The following ROBO2 variants were observed in gnomAD, a reference collection of about 807,000 sequenced individuals.
ROBO2 encodes roundabout guidance receptor 2, also known as roundabout homolog 2.
A neutral mutation model predicts 160.8 loss-of-function variants in ROBO2; 53 were observed. That is an observed-to-expected ratio of 0.33 (90% confidence interval 0.26 to 0.41). ROBO2 has a LOEUF of 0.41. ROBO2 is among the 10% of genes least tolerant of loss of function. The pLI, the probability that ROBO2 is intolerant of heterozygous loss-of-function variation, is 1.00. For synonymous variants in ROBO2, 664 were observed against 611.7 expected, an observed-to-expected ratio of 1.09 and a Z score of -1.26; for missense variants, 1,577 against 1,722.4, an observed-to-expected ratio of 0.92 and a Z score of 1.49.
At chr3:76,192,937 C>T (rs963627345) in intron 2 of ROBO2, among the ~76,000 whole-genome samples, 5 of 152,098 alleles carry the variant, frequency 3.3e-5, no homozygotes, top group Non-Finnish European at 4.4e-5. Context: ...CTCTACCAGA[C>T]TATTGAACTG....
chr3:77,532,054 T>A (rs1260112944), intron 6 of ROBO2, among the ~76,000 whole-genome samples: 1 of 152,176 alleles, frequency 6.6e-6, no homozygotes, highest in Non-Finnish European at 1.5e-5. Flanking sequence ...TTCCATAATG[T>A]GAAACGTTTA....
At chr3:76,916,321 A>G (rs1404242868) in intron 2 of ROBO2, among the ~76,000 whole-genome samples, 2 of 152,110 alleles carry the variant, frequency 1.3e-5, no homozygotes, top group African/African-American at 2.4e-5. Context: ...AGAAAATGCA[A>G]ATAAAAGAGA....
intron 2 of ROBO2, among the ~76,000 whole-genome samples, chr3:77,371,698 T>C (rs2071776465): frequency 6.6e-6 from 1 of 152,190 alleles, no homozygotes; most frequent in Non-Finnish European, 1.5e-5. Flanking sequence ...TATAGCTACA[T>C]AACACTTTAT....
At chr3:75,987,864 TG>T (rs1196325791) in intron 2 of ROBO2, among the ~76,000 whole-genome samples, 2 of 152,060 alleles carry the variant, frequency 1.3e-5, no homozygotes, top group East Asian at 3.9e-4. Context: ...TGTTGGACCA[TG>T]CTTAGATTCC....
At chr3:76,171,067 C>A (rs1225873228) in intron 2 of ROBO2, among the ~76,000 whole-genome samples, 1 of 152,120 alleles carries the variant, frequency 6.6e-6, no homozygotes, top group Non-Finnish European at 1.5e-5. Flanking sequence ...TGGTAAAGAT[C>A]CAAACTTAAT....
intron 2 of ROBO2, among the ~76,000 whole-genome samples, chr3:77,344,277 T>C (rs1290915788): frequency 6.6e-6 from 1 of 152,156 alleles, no homozygotes; most frequent in Non-Finnish European, 1.5e-5. Flanking sequence ...TTTCTTAAAA[T>C]ATATGACATA....
At chr3:76,597,512 A>G (rs1255789927) in intron 2 of ROBO2, among the ~76,000 whole-genome samples, 1 of 152,068 alleles carries the variant, frequency 6.6e-6, no homozygotes, top group Non-Finnish European at 1.5e-5. Flanking sequence ...AAGATATTCA[A>G]CATCTTGTCA....
At chr3:76,296,904 AC>A (rs1462343626) in intron 2 of ROBO2, among the ~76,000 whole-genome samples, 1 of 152,238 alleles carries the variant, frequency 6.6e-6, no homozygotes, top group Non-Finnish European at 1.5e-5. Context: ...TACTAAAGTT[AC>A]ATTAATAGCT....
Position 77,164,540 on chromosome 3 carries a change from G to T in ROBO2, c.388+66200G>T, listed in dbSNP as rs543422745. Among the ~76,000 whole-genome samples, 986 of 134,304 alleles carry T rather than the reference G, an allele frequency of 7.3e-3. 23 individuals carry two copies. Among genetic ancestry groups the T allele is most frequent in the East Asian group, 0.047 (177 of 3,802 alleles). The allele number at this position is 134,304 out of a possible 152,430, so 88.1% of individuals were successfully genotyped here. On this transcript the variant is annotated intron_variant, in intron 2 of 25. Transcript: ENST00000461745. ...GTGCTGTCCGGGAGGGAGGTGGGGGGGTCAGACCCCCGCCCGGCCAGCCGC... is the reference window on the plus strand; with the variant it reads ...GTGCTGTCCGGGAGGGAGGTGGGGGTGTCAGACCCCCGCCCGGCCAGCCGC...
chr3:76,926,917 A>C (rs72900117), intron 2 of ROBO2, among the ~76,000 whole-genome samples: 1 of 151,928 alleles, frequency 6.6e-6, no homozygotes, highest in African/African-American at 2.4e-5. Context: ...AAGCATTCAA[A>C]GCCTAGCAGC....
At chr3:76,304,489 T>G (rs2071223857) in intron 2 of ROBO2, among the ~76,000 whole-genome samples, 1 of 152,226 alleles carries the variant, frequency 6.6e-6, no homozygotes, top group African/African-American at 2.4e-5. Context: ...AAGCTAATGC[T>G]AATGCTAATT....
chr3:76,844,228 G>T (rs867379966), intron 2 of ROBO2, among the ~76,000 whole-genome samples: 1 of 151,856 alleles, frequency 6.6e-6, no homozygotes. Flanking sequence ...TGATGCAACT[G>T]GTACAAATAA....
At chr3:76,474,564 G>A (rs1221008753) in intron 2 of ROBO2, among the ~76,000 whole-genome samples, 4 of 152,182 alleles carry the variant, frequency 2.6e-5, no homozygotes, top group African/African-American at 9.7e-5. Context: ...TATTCAGGAA[G>A]AGGAACACGA....
chr3:77,128,380 G>C (rs2075540294), intron 2 of ROBO2, among the ~76,000 whole-genome samples: 1 of 152,254 alleles, frequency 6.6e-6, no homozygotes, highest in Non-Finnish European at 1.5e-5. Flanking sequence ...GGTATATACT[G>C]TACAGTATAA....
intron 24 of ROBO2, among the ~76,000 whole-genome samples, chr3:77,637,244 C>G (rs2095279515): frequency 6.6e-6 from 1 of 152,068 alleles, no homozygotes; most frequent in Non-Finnish European, 1.5e-5. Flanking sequence ...AGCACACTTA[C>G]ACTTATCATT....
rs570293705 is a variant in ROBO2, at chr3:76,953,609, T to C, written c.110-144405T>C. On this transcript the variant is annotated intron_variant, in intron 2 of 26. Transcript: ENST00000487694. ...CCTGATAGAATGTTGACTTTCACTTTGGAGATCATCTTTGGCAGCAGAATG... is the reference window on the plus strand; with the variant it reads ...CCTGATAGAATGTTGACTTTCACTTCGGAGATCATCTTTGGCAGCAGAATG... 2.9e-4 allele frequency among the ~76,000 whole-genome samples: 44 copies of C among 152,326 alleles called. 1 individual carries two copies. The East Asian group carries it at 6.0e-3, about 21-fold the overall frequency.
intron 2 of ROBO2, among the ~76,000 whole-genome samples, chr3:76,522,532 T>G (rs1190498844): frequency 6.6e-6 from 1 of 151,652 alleles, no homozygotes; most frequent in Non-Finnish European, 1.5e-5. Context: ...ATAAATAAGT[T>G]CTAAATTCAT....
chr3:77,072,163 T>A (rs1453746866), intron 1 of ROBO2, among the ~76,000 whole-genome samples: 1 of 152,152 alleles, frequency 6.6e-6, no homozygotes, highest in Non-Finnish European at 1.5e-5. Context: ...CTGGGTTGCG[T>A]GCTGCCTATG....
intron 2 of ROBO2, chr3:76,434,390 T>A: frequency 6.4e-7 from 1 of 1,554,008 alleles, no homozygotes; most frequent in Non-Finnish European, 8.9e-7. Context: ...TAATCACCTG[T>A]CAGCTGTCAA....
Sources: allele counts gnomAD v4.1 joint callset (sites outside exome capture counted in the v4.1 genomes callset), GRCh38; gene constraint gnomAD v4.1.1; transcripts MANE v1.5; gene names NCBI Gene and HGNC (gene_info 2026-07-23, HGNC 2026-07-21).